The following RPS6KC1 variants were observed in gnomAD, a reference collection of about 807,000 sequenced individuals.
RPS6KC1 encodes inactive ribosomal protein S6 kinase delta-1.
A neutral mutation model predicts 103.8 loss-of-function variants in RPS6KC1; 54 were observed. The ratio of observed to expected loss-of-function variants is 0.52; its 90% CI spans 0.42 to 0.65. RPS6KC1 has a LOEUF of 0.65. RPS6KC1 is among the 30% of genes least tolerant of loss of function. RPS6KC1 has a pLI of 0.00. For missense variants in RPS6KC1, 1,151 were observed against 1,253.8 expected (o/e 0.92, Z 1.24); for synonymous variants, 439 against 438.7 (o/e 1.00, Z -0.01).
chr1:213,740,001 A>G, the RPS6KC1 span, among the ~76,000 whole-genome samples: 1 of 152,174 alleles, frequency 6.6e-6, no homozygotes, highest in Non-Finnish European at 1.5e-5. Context: ...GGTGGAGCAA[A>G]ATGAGAAAAC....
the RPS6KC1 span, among the ~76,000 whole-genome samples, chr1:213,692,399 A>T: frequency 6.6e-6 from 1 of 151,780 alleles, no homozygotes; most frequent in Non-Finnish European, 1.5e-5. Flanking sequence ...AAAAAAAAAA[A>T]AAAATAAATA....
At chr1:213,404,663 G>A in the RPS6KC1 span, among the ~76,000 whole-genome samples, 85,934 of 152,034 alleles carry the variant, frequency 0.57, 27,904 homozygotes, top group East Asian at 0.96. Flanking sequence ...TCACTTTTGT[G>A]GCTGTACCTA....
At chr1:213,590,264 T>C in the RPS6KC1 span, among the ~76,000 whole-genome samples, 4 of 151,966 alleles carry the variant, frequency 2.6e-5, no homozygotes, top group African/African-American at 9.7e-5. Context: ...CAAGGAAAGG[T>C]GACTAAAAGT....
intron 6 of RPS6KC1, among the ~76,000 whole-genome samples, chr1:213,162,988 T>C (rs1260206763): frequency 6.6e-6 from 1 of 152,244 alleles, no homozygotes; most frequent in Non-Finnish European, 1.5e-5. Context: ...TTCAGAGTTG[T>C]GGTAGATGTG....
At chr1:213,465,048 G>A in the RPS6KC1 span, among the ~76,000 whole-genome samples, 2 of 151,986 alleles carry the variant, frequency 1.3e-5, no homozygotes, top group Non-Finnish European at 2.9e-5. Flanking sequence ...GGGTACAAAG[G>A]CCTTACCTCC....
chr1:213,485,134 G>A, the RPS6KC1 span, among the ~76,000 whole-genome samples: 5 of 152,080 alleles, frequency 3.3e-5, no homozygotes, highest in African/African-American at 1.2e-4. Context: ...CCAAAGTGCT[G>A]GGCTTACAAG....
At chr1:213,706,684 G>A in the RPS6KC1 span, among the ~76,000 whole-genome samples, 3 of 152,184 alleles carry the variant, frequency 2.0e-5, no homozygotes, top group African/African-American at 7.2e-5. Flanking sequence ...TTCTTCTAAT[G>A]CTATTCCTCC....
intron 13 of RPS6KC1, 140 bp from the exon 14 acceptor site, chr1:213,262,581 C>T (rs1388594761): frequency 1.6e-6 from 1 of 641,274 alleles, no homozygotes; most frequent in Non-Finnish European, 2.8e-6. Flanking sequence ...TCCTAAACTG[C>T]TTAGGCGGCA....
downstream of RPS6KC1, among the ~76,000 whole-genome samples, chr1:213,276,705 A>T (rs1389818380): frequency 3.3e-5 from 5 of 152,240 alleles, no homozygotes; most frequent in African/African-American, 1.2e-4. Context: ...TTGCTGCCGT[A>T]CATCTGCTCA....
chr1:213,051,341 C>A lies in RPS6KC1; in HGVS notation c.-64C>A. On this transcript the variant is annotated 5_prime_UTR_variant, in exon 1 of 15. Transcript: ENST00000366960. ...CCGCTGCGTTGGGGAACCTGGACCG[C>A]GGCGGCGCCGGGTTTCCCTCATGAT... The A allele has an allele frequency of 7.6e-7, 1 of 1,311,132 alleles. No homozygotes were observed. Among genetic ancestry groups the A allele is most frequent in the Non-Finnish European group, 1.1e-6 (1 of 915,154 alleles). 81.2% of individuals were successfully genotyped at this position (1,311,132 alleles called of 1,614,324 possible). A position where few individuals can be genotyped will look rare whatever the true frequency, so the allele number is the denominator to read the frequency against.
the RPS6KC1 span, among the ~76,000 whole-genome samples, chr1:213,722,538 G>A: frequency 6.6e-6 from 1 of 152,178 alleles, no homozygotes; most frequent in African/African-American, 2.4e-5. Flanking sequence ...TTAGAATGAG[G>A]ATTACCAGAC....
chr1:213,401,975 A>T, the RPS6KC1 span, among the ~76,000 whole-genome samples: 6 of 151,962 alleles, frequency 3.9e-5, no homozygotes, highest in Admixed American at 1.3e-4. Flanking sequence ...TTTTGTAAAG[A>T]TGAGATCTCA....
chr1:213,738,255 C>A, the RPS6KC1 span, among the ~76,000 whole-genome samples: 458 of 152,226 alleles, frequency 3.0e-3, 2 homozygotes, highest in African/African-American at 0.01. Flanking sequence ...ACTCTAGGTG[C>A]CAGTGTTTCT....
chr1:213,843,880 G>T, the RPS6KC1 span, among the ~76,000 whole-genome samples: 1 of 150,346 alleles, frequency 6.7e-6, no homozygotes. Flanking sequence ...ATTTTTTTAT[G>T]GCTTCTTGGT....
At chr1:213,199,290 C>A (rs1303443777) in intron 8 of RPS6KC1, among the ~76,000 whole-genome samples, 2 of 152,136 alleles carry the variant, frequency 1.3e-5, no homozygotes, top group Admixed American at 1.3e-4. Flanking sequence ...AAAGCTTATC[C>A]ACCACGATCA....
the RPS6KC1 span, among the ~76,000 whole-genome samples, chr1:213,307,641 CAGG>C: frequency 6.6e-6 from 1 of 152,154 alleles, no homozygotes; most frequent in South Asian, 2.1e-4. Flanking sequence ...AGGACAGGAG[CAGG>C]AGAACTGCCA....
At chr1:213,159,900 C>T (rs771889520) in intron 6 of RPS6KC1, among the ~76,000 whole-genome samples, 43 of 152,136 alleles carry the variant, frequency 2.8e-4, no homozygotes, top group Non-Finnish European at 5.6e-4. Context: ...ATGTGGATAT[C>T]TACGATTATT....
intron 2 of RPS6KC1, among the ~76,000 whole-genome samples, chr1:213,073,963 A>G (rs1012208821): frequency 3.9e-5 from 6 of 152,228 alleles, no homozygotes; most frequent in Non-Finnish European, 8.8e-5. Flanking sequence ...AGCGTGAGAA[A>G]AAATCATTTT....
At chr1:213,601,421 T>C in the RPS6KC1 span, among the ~76,000 whole-genome samples, 14 of 148,028 alleles carry the variant, frequency 9.5e-5, no homozygotes, top group East Asian at 2.7e-3. Context: ...ATTGCATATA[T>C]TTATATATTC....
Sources: gnomAD v4.1 joint callset for allele counts (sites outside exome capture counted in the v4.1 genomes callset) on GRCh38, gnomAD v4.1.1 for gene constraint, MANE v1.5 for transcripts, NCBI Gene and HGNC (gene_info 2026-07-23, HGNC 2026-07-21) for gene names.